The following NAALADL2 variants were observed in gnomAD, a reference collection of about 807,000 sequenced individuals.
NAALADL2 encodes N-acetylated alpha-linked acidic dipeptidase like 2.
In NAALADL2, 76 loss-of-function variants were observed where a neutral mutation model predicts 87.2. That is an observed-to-expected ratio of 0.87 (90% CI 0.72 to 1.05). NAALADL2 has a LOEUF of 1.05. NAALADL2 is among the 50% of genes least tolerant of loss of function. NAALADL2 has a pLI of 0.00. For synonymous variants in NAALADL2, 354 were observed against 331.0 expected (o/e 1.07, Z -0.75); for missense variants, 1,089 against 945.8 (o/e 1.15, Z -1.99).
intron 11 of NAALADL2, among the ~76,000 whole-genome samples, chr3:175,733,136 A>G (rs1285587391): frequency 6.6e-6 from 1 of 152,212 alleles, no homozygotes; most frequent in East Asian, 1.9e-4. Context: ...AGAAGATCAA[A>G]TTGAATTATA....
At chr3:175,677,478 GGT>G (rs144329998) in intron 11 of NAALADL2, among the ~76,000 whole-genome samples, 8,774 of 140,018 alleles carry the variant, frequency 0.063, 384 homozygotes, top group African/African-American at 0.13. Flanking sequence ...AGTATAATGG[GGT>G]GTGTGTGTGT....
intron 11 of NAALADL2, among the ~76,000 whole-genome samples, chr3:175,643,298 C>T (rs896069355): frequency 6.6e-6 from 1 of 152,038 alleles, no homozygotes; most frequent in African/African-American, 2.4e-5. Context: ...TTATTGTTTC[C>T]AACAACGATT....
At chr3:175,131,300 C>A (rs1052730827) in intron 2 of NAALADL2, among the ~76,000 whole-genome samples, 4 of 151,880 alleles carry the variant, frequency 2.6e-5, no homozygotes, top group Admixed American at 6.6e-5. Flanking sequence ...GACCCTGCGG[C>A]CTTCTGCAGT....
chr3:174,677,200 CAT>C (rs537787784), intron 2 of NAALADL2, among the ~76,000 whole-genome samples: 131 of 152,070 alleles, frequency 8.6e-4, no homozygotes, highest in South Asian at 6.0e-3. Context: ...TCATTTGACA[CAT>C]ATGTTTGTGA....
chr3:175,061,205 C>T (rs75034191), intron 1 of NAALADL2, among the ~76,000 whole-genome samples: 1 of 152,004 alleles, frequency 6.6e-6, no homozygotes, highest in Non-Finnish European at 1.5e-5. Flanking sequence ...AAATGCCAGA[C>T]AATATTACCA....
intron 2 of NAALADL2, among the ~76,000 whole-genome samples, chr3:174,616,343 G>A (rs1272135598): frequency 6.6e-6 from 1 of 151,962 alleles, no homozygotes; most frequent in Admixed American, 6.6e-5. Flanking sequence ...GGAGCACACT[G>A]AAGACCTTTG....
rs1334731226 is a variant in NAALADL2, at chr3:175,255,202, CAT to C, written c.820-1207_820-1206del. On this transcript the variant is annotated intron_variant, in intron 3 of 13. Coordinates refer to ENST00000454872, the MANE Select transcript of NAALADL2 (RefSeq NM_207015.3). ...CATTTGAAATGAACGTTAATGTATT[CAT>C]AGAGTTTTTACAGATACAGATGAAT... Among the ~76,000 whole-genome samples the C allele has an allele frequency of 2.6e-5, 4 of 152,142 alleles. No homozygotes were observed. In the South Asian group the frequency reaches 8.3e-4, roughly 32 times the overall value.
At chr3:174,791,400 A>C (rs1717439635) in intron 3 of NAALADL2, among the ~76,000 whole-genome samples, 1 of 152,218 alleles carries the variant, frequency 6.6e-6, no homozygotes, top group East Asian at 1.9e-4. Flanking sequence ...GAGACCATCC[A>C]TCCTTCCACC....
At chr3:175,450,609 G>C (rs545782160) in intron 6 of NAALADL2, among the ~76,000 whole-genome samples, 1 of 152,262 alleles carries the variant, frequency 6.6e-6, no homozygotes, top group South Asian at 2.1e-4. Flanking sequence ...TTCAGAAATT[G>C]AGTCTTGGTC....
intron 5 of NAALADL2, among the ~76,000 whole-genome samples, chr3:175,432,504 G>A (rs1449761634): frequency 2.6e-5 from 4 of 151,876 alleles, no homozygotes; most frequent in Non-Finnish European, 4.4e-5. Flanking sequence ...TATAATTTTA[G>A]TCTTAATCAA....
intron 13 of NAALADL2, among the ~76,000 whole-genome samples, chr3:175,791,918 A>AT (rs1434130140): frequency 6.6e-6 from 1 of 151,510 alleles, no homozygotes; most frequent in Admixed American, 6.6e-5. Flanking sequence ...AAGCAAAAAA[A>AT]AAAAACAACC....
intron 2 of NAALADL2, among the ~76,000 whole-genome samples, chr3:175,231,508 A>G (rs1032568783): frequency 1.3e-5 from 2 of 152,132 alleles, no homozygotes; most frequent in Non-Finnish European, 2.9e-5. Context: ...CAATTGGGAA[A>G]AATTACTAAT....
chr3:175,133,899 T>A (rs1050798220), intron 2 of NAALADL2, among the ~76,000 whole-genome samples: 7 of 152,204 alleles, frequency 4.6e-5, no homozygotes, highest in African/African-American at 1.7e-4. Flanking sequence ...TGAGGTGATG[T>A]AACTGAACAT....
At chr3:175,764,530 C>A (rs757123611) in intron 13 of NAALADL2, among the ~76,000 whole-genome samples, 2 of 112,880 alleles carry the variant, frequency 1.8e-5, no homozygotes, top group South Asian at 4.4e-4. Flanking sequence ...CAAGCTAATC[C>A]AAGCCAAGAC....
intron 11 of NAALADL2, among the ~76,000 whole-genome samples, chr3:175,722,131 CTA>C (rs903545543): frequency 7.9e-5 from 12 of 152,188 alleles, no homozygotes; most frequent in African/African-American, 2.9e-4. Flanking sequence ...TGCCAAAAAT[CTA>C]TGTGATGTTT....
At chr3:175,417,251 T>C (rs947597418) in intron 5 of NAALADL2, among the ~76,000 whole-genome samples, 2 of 151,790 alleles carry the variant, frequency 1.3e-5, no homozygotes, top group Admixed American at 1.3e-4. Flanking sequence ...CTCTAATTAA[T>C]TACTCAGAAG....
intron 2 of NAALADL2, among the ~76,000 whole-genome samples, chr3:174,608,359 A>C (rs990874971): frequency 5.3e-4 from 81 of 152,254 alleles, no homozygotes; most frequent in Admixed American, 1.1e-3. Context: ...AACCCTTCAA[A>C]AAATTAATGA....
intron 1 of NAALADL2, among the ~76,000 whole-genome samples, chr3:175,067,271 G>A (rs1714697918): frequency 6.6e-6 from 1 of 152,074 alleles, no homozygotes; most frequent in Non-Finnish European, 1.5e-5. Flanking sequence ...AAGAGCTTTG[G>A]CACCGCAAAA....
At chr3:175,556,849 G>C (rs549518055) in intron 9 of NAALADL2, among the ~76,000 whole-genome samples, 1 of 152,074 alleles carries the variant, frequency 6.6e-6, no homozygotes, top group Non-Finnish European at 1.5e-5. Flanking sequence ...ATTTTCAGAT[G>C]GTTTTAACAG....
Sources: allele counts gnomAD v4.1 joint callset (sites outside exome capture counted in the v4.1 genomes callset), GRCh38; gene constraint gnomAD v4.1.1; transcripts MANE v1.5; gene names NCBI Gene and HGNC (gene_info 2026-07-23, HGNC 2026-07-21).